Variants in MACROD2 observed in about 807,000 individuals in gnomAD.
MACROD2 encodes ADP-ribose glycohydrolase MACROD2.
Under a neutral mutation model 70.4 loss-of-function variants are expected in MACROD2, and 36 were observed. The ratio of observed to expected loss-of-function variants is 0.51; its 90% CI spans 0.39 to 0.68. The LOEUF is 0.68. MACROD2 is among the 30% of genes least tolerant of loss of function. The probability of loss-of-function intolerance (pLI) is 0.00; values close to 1 mark genes in which losing one functional copy is unlikely to be tolerated. For synonymous variants in MACROD2, 172 were observed against 178.8 expected, an observed-to-expected ratio of 0.96 and a Z score of 0.30; for missense variants, 496 against 538.4, an observed-to-expected ratio of 0.92 and a Z score of 0.78.
At chr20:14,007,962 G>T (rs982005779) in intron 2 of MACROD2, among the ~76,000 whole-genome samples, 13 of 152,140 alleles carry the variant, frequency 8.5e-5, no homozygotes, top group African/African-American at 3.1e-4. Context: ...TTATACTCAA[G>T]TATAAAATAT....
At chr20:14,293,898 A>G (rs1043382780) in intron 3 of MACROD2, among the ~76,000 whole-genome samples, 2 of 151,924 alleles carry the variant, frequency 1.3e-5, no homozygotes, top group African/African-American at 4.9e-5. Flanking sequence ...AAATATAGAC[A>G]TAAATTTAAC....
chr20:14,297,778 AAAC>A (rs1238516182), intron 3 of MACROD2, among the ~76,000 whole-genome samples: 1 of 151,954 alleles, frequency 6.6e-6, no homozygotes, highest in Non-Finnish European at 1.5e-5. Flanking sequence ...CACTAACACT[AAAC>A]AACAGGTTTT....
chr20:14,638,220 A>G (rs1454998940), intron 4 of MACROD2, among the ~76,000 whole-genome samples: 1 of 152,158 alleles, frequency 6.6e-6, no homozygotes, highest in African/African-American at 2.4e-5. Context: ...TACAGTAATC[A>G]TTTTTATGGT....
intron 8 of MACROD2, among the ~76,000 whole-genome samples, chr20:15,795,487 G>C (rs2063664667): frequency 6.6e-6 from 1 of 151,964 alleles, no homozygotes; most frequent in Non-Finnish European, 1.5e-5. Context: ...TGGTGTAGTT[G>C]GAAATAACAA....
chr20:14,392,066 C>T (rs2083532911), intron 3 of MACROD2, among the ~76,000 whole-genome samples: 1 of 150,920 alleles, frequency 6.6e-6, no homozygotes, highest in African/African-American at 2.4e-5. Flanking sequence ...TGAGACTTTT[C>T]TTTTAATTTC....
At chr20:14,437,828 C>A (rs1490325769) in intron 3 of MACROD2, among the ~76,000 whole-genome samples, 1 of 151,976 alleles carries the variant, frequency 6.6e-6, no homozygotes, top group Non-Finnish European at 1.5e-5. Context: ...TAAATAAATT[C>A]TCTTGTGTAT....
At chr20:16,000,416 C>T (rs1436059360) in intron 15 of MACROD2, among the ~76,000 whole-genome samples, 1 of 152,164 alleles carries the variant, frequency 6.6e-6, no homozygotes, top group African/African-American at 2.4e-5. Flanking sequence ...ATGTCAGCCT[C>T]CCTTAAAGGG....
chr20:15,426,872 G>A (rs2046304964), intron 6 of MACROD2, among the ~76,000 whole-genome samples: 1 of 152,068 alleles, frequency 6.6e-6, no homozygotes, highest in Admixed American at 6.6e-5. Context: ...ATGCAGCTTT[G>A]AAATAAAGAA....
At chr20:15,840,737 T>A (rs988901562) in intron 8 of MACROD2, among the ~76,000 whole-genome samples, 4 of 152,214 alleles carry the variant, frequency 2.6e-5, no homozygotes, top group African/African-American at 7.2e-5. Context: ...AAGTAAAATA[T>A]AAACACATTG....
intron 15 of MACROD2, among the ~76,000 whole-genome samples, chr20:16,027,014 A>C (rs2067090361): frequency 6.6e-6 from 1 of 152,206 alleles, no homozygotes; most frequent in South Asian, 2.1e-4. Flanking sequence ...AAACCCAACA[A>C]AGATCAAAGA....
At chr20:15,069,783 C>T (rs1393854935) in intron 5 of MACROD2, among the ~76,000 whole-genome samples, 3 of 152,200 alleles carry the variant, frequency 2.0e-5, no homozygotes, top group African/African-American at 4.8e-5. Context: ...TATGGGAAAG[C>T]GTGGGTGCCC....
rs116816564 is a variant in MACROD2 at position 14,776,550 on chromosome 20, A to G, written c.418+91591A>G. ...GACATTGGTGCAGTGGTCCTCAAAC[A>G]TACGGGTCAGATTTGTCGCTCAAGT... On this transcript the variant is annotated intron_variant, in intron 5 of 17. Coordinates refer to ENST00000684519, the MANE Select transcript of MACROD2 (RefSeq NM_001351661.2). Among the ~76,000 whole-genome samples, 679 of 152,212 alleles carry G rather than the reference A, an allele frequency of 4.5e-3. 7 individuals are homozygous for G. Among genetic ancestry groups the G allele is most frequent in the African/African-American group, 0.016 (654 of 41,490 alleles).
At chr20:15,226,450 T>C (rs2076907007) in intron 5 of MACROD2, among the ~76,000 whole-genome samples, 1 of 152,190 alleles carries the variant, frequency 6.6e-6, no homozygotes, top group Non-Finnish European at 1.5e-5. Flanking sequence ...TCAAAACCCA[T>C]GTGCAAGATA....
intron 8 of MACROD2, among the ~76,000 whole-genome samples, chr20:15,793,999 A>G (rs2063650063): frequency 6.6e-6 from 1 of 150,820 alleles, no homozygotes; most frequent in South Asian, 2.1e-4. Context: ...CATTTTCTGT[A>G]AAATAAGAAT....
At position 15,350,741 on chromosome 20, in the gene MACROD2, A is replaced by G. The variant is rs576921243; in HGVS notation, c.541-80664A>G. Among the ~76,000 whole-genome samples the G allele has an allele frequency of 3.9e-5, 6 of 152,314 alleles. No individual in the cohort carries two copies. The East Asian group carries it at 1.2e-3, about 29-fold the overall frequency. ...GCATTATGATAAAAAATGGTATTCT[A>G]GGAATTTCTAAATAGTTTTCATTGA... On this transcript the variant is annotated intron_variant, in intron 6 of 17. Coordinates refer to ENST00000684519, the MANE Select transcript of MACROD2 (RefSeq NM_001351661.2).
At chr20:15,281,602 G>C (rs1474825760) in intron 6 of MACROD2, among the ~76,000 whole-genome samples, 3 of 152,214 alleles carry the variant, frequency 2.0e-5, no homozygotes, top group Non-Finnish European at 4.4e-5. Context: ...CTCACACCCA[G>C]GTCATGCTGA....
chr20:15,163,118 GT>G (rs1219067705), intron 5 of MACROD2, among the ~76,000 whole-genome samples: 12 of 151,830 alleles, frequency 7.9e-5, no homozygotes, highest in Non-Finnish European at 1.6e-4. Flanking sequence ...TGAATTTTAA[GT>G]TTGAATTGAA....
rs949254578 is a variant in MACROD2, at chr20:14,325,509, T to G, written c.272-167970T>G. 15 of 1,554,616 alleles carry G rather than the reference T, an allele frequency of 9.6e-6. No individual in the cohort carries two copies. In the African/African-American group the frequency reaches 1.4e-4, roughly 14 times the overall value. On this transcript the variant is annotated intron_variant, in intron 3 of 17. Transcript: ENST00000684519. ...AACAGGGTTCCTACCATCACCTCCC[T>G]TAGGTTTAAAAAACCCAAAACACAA...
At chr20:15,752,447 G>A (rs373156377) in intron 8 of MACROD2, among the ~76,000 whole-genome samples, 13 of 152,124 alleles carry the variant, frequency 8.5e-5, no homozygotes, top group African/African-American at 3.1e-4. Context: ...TTTCTCTTGT[G>A]TCAGTGGCAG....
Sources: gnomAD v4.1 joint callset for allele counts (sites outside exome capture counted in the v4.1 genomes callset) on GRCh38, gnomAD v4.1.1 for gene constraint, MANE v1.5 for transcripts, NCBI Gene and HGNC (gene_info 2026-07-23, HGNC 2026-07-21) for gene names.